Variants in USP25 observed in about 807,000 individuals in gnomAD.
USP25 encodes the protein ubiquitin specific peptidase 25.
In USP25, 85 loss-of-function variants were observed where a neutral mutation model predicts 158.5. The observed-to-expected ratio is 0.54, with a 90% CI of 0.45 to 0.64. USP25 has a LOEUF of 0.64. Among genes scored for constraint, USP25 ranks in the 30% least tolerant of loss-of-function variants. The probability of loss-of-function intolerance (pLI) is 0.00; values close to 1 mark genes in which losing one functional copy is unlikely to be tolerated. For synonymous variants in USP25, 464 were observed against 460.4 expected, an observed-to-expected ratio of 1.01 and a Z score of -0.10; for missense variants, 1,242 against 1,327.3, an observed-to-expected ratio of 0.94 and a Z score of 1.00.
intron 24 of USP25, 119 bp from the exon 25 acceptor site, chr21:15,877,677 G>T (rs564939728): frequency 1.4e-6 from 1 of 710,878 alleles, no homozygotes; most frequent in South Asian, 2.1e-5. Flanking sequence ...TCTAAATACC[G>T]TTTGTTCTAA....
chr21:15,842,583 C>G (rs371784732), intron 18 of USP25, 43 bp downstream of exon 18: 4 of 1,604,008 alleles, frequency 2.5e-6, no homozygotes, highest in South Asian at 1.1e-5. Flanking sequence ...GCCATGGTCA[C>G]GACATTTCCT....
chr21:15,828,707 G>A (rs534155706), intron 14 of USP25, among the ~76,000 whole-genome samples: 65 of 152,208 alleles, frequency 4.3e-4, no homozygotes, highest in African/African-American at 1.4e-3. Flanking sequence ...GCATGAACTC[G>A]GGCTCACTCC....
At chr21:15,757,566 A>C (rs892961879) in intron 1 of USP25, among the ~76,000 whole-genome samples, 1 of 152,238 alleles carries the variant, frequency 6.6e-6, no homozygotes, top group African/African-American at 2.4e-5. Context: ...ACCCAGTGGC[A>C]TACCAAAATA....
chr21:15,754,957 A>G (rs1030011280), intron 1 of USP25, among the ~76,000 whole-genome samples: 24 of 152,360 alleles, frequency 1.6e-4, no homozygotes, highest in African/African-American at 5.0e-4. Context: ...GTAAGAGAAC[A>G]TGAGCTAGAG....
chr21:15,853,118 T>C (rs1342685703), intron 20 of USP25, among the ~76,000 whole-genome samples: 3 of 152,254 alleles, frequency 2.0e-5, no homozygotes, highest in Non-Finnish European at 4.4e-5. Flanking sequence ...CTTGTTTTTT[T>C]CTTTTTGTTT....
intron 17 of USP25, among the ~76,000 whole-genome samples, chr21:15,834,819 C>T (rs562367082): frequency 6.6e-6 from 1 of 152,276 alleles, no homozygotes; most frequent in Non-Finnish European, 1.5e-5. Flanking sequence ...GGCTGGTGAA[C>T]TCTACCATTA....
chr21:15,756,927 A>G (rs2033416058), intron 1 of USP25, among the ~76,000 whole-genome samples: 1 of 152,220 alleles, frequency 6.6e-6, no homozygotes, highest in African/African-American at 2.4e-5. Flanking sequence ...GAGGAGCTCT[A>G]GATATGGAAG....
At chr21:15,761,895 T>A (rs934758959) in intron 1 of USP25, among the ~76,000 whole-genome samples, 4 of 152,210 alleles carry the variant, frequency 2.6e-5, no homozygotes, top group Admixed American at 6.5e-5. Context: ...CTCTCTGCCC[T>A]ATGCGCCTTG....
chr21:15,781,302 CTG>C (rs1436908470), intron 4 of USP25, among the ~76,000 whole-genome samples: 4 of 152,130 alleles, frequency 2.6e-5, no homozygotes, highest in South Asian at 2.1e-4. Flanking sequence ...AATTTGTACT[CTG>C]TATACGATTG....
intron 10 of USP25, among the ~76,000 whole-genome samples, chr21:15,819,981 A>G (rs2037149970): frequency 6.6e-6 from 1 of 152,092 alleles, no homozygotes; most frequent in South Asian, 2.1e-4. Flanking sequence ...AATAGAGAAT[A>G]GCCAGACTTC....
chr21:15,811,315 T>C (rs776526325), intron 9 of USP25, 105 bp downstream of exon 9: 8 of 1,022,812 alleles, frequency 7.8e-6, no homozygotes, highest in African/African-American at 1.6e-5. Flanking sequence ...TTTAATTTGA[T>C]ATATTCTGTC....
At chr21:15,842,297 G>T in intron 17 of USP25, 101 bp from the exon 18 acceptor site, 1 of 1,268,738 alleles carries the variant, frequency 7.9e-7, no homozygotes, top group South Asian at 1.8e-5. Flanking sequence ...GACTAAAATT[G>T]GTTCTTACAT....
rs150206198 is a variant in USP25 at position 15,850,961 on chromosome 21, T to C, written c.2547+1089T>C. Among the ~76,000 whole-genome samples, 300 of 152,158 alleles carry C rather than the reference T, an allele frequency of 2.0e-3. 3 individuals are homozygous for C. In the East Asian group the frequency reaches 0.021, roughly 11 times the overall value. On this transcript the variant is annotated intron_variant, in intron 20 of 25. Coordinates refer to ENST00000400183, the MANE Select transcript of USP25 (RefSeq NM_001283041.3). ...CCCTATTATGATCCCATAAGAAAGGTTGAAAATCTACTTCTAAAAAAAGAA... is the reference window on the plus strand; with the variant it reads ...CCCTATTATGATCCCATAAGAAAGGCTGAAAATCTACTTCTAAAAAAAGAA...
rs2034018140 is a variant in USP25, at chr21:15,765,990, T to C, written c.124-7T>C. 6.3e-7 allele frequency: 1 copy of C among 1,597,312 alleles called. No homozygotes were observed. The highest frequency in any genetic ancestry group is 8.5e-7 in the Non-Finnish European group (1 of 1,173,800). On this transcript the variant is annotated splice_region_variant and splice_polypyrimidine_tract_variant and intron_variant, in intron 2 of 25. Coordinates refer to ENST00000400183, the MANE Select transcript of USP25 (RefSeq NM_001283041.3). ...AACACTTGATACTCCTTTCTTGATA[T>C]TTGAAGGATAGTAATGGAAACTTGG...
chr21:15,791,981 G>A (rs1337379328), intron 5 of USP25, among the ~76,000 whole-genome samples: 3 of 151,700 alleles, frequency 2.0e-5, no homozygotes, highest in Non-Finnish European at 4.4e-5. Context: ...ATTTATGGAA[G>A]CATTGTAACC....
chr21:15,814,429 A>G (rs1288285598), intron 9 of USP25, among the ~76,000 whole-genome samples: 1 of 152,090 alleles, frequency 6.6e-6, no homozygotes, highest in Non-Finnish European at 1.5e-5. Flanking sequence ...AGAGGTTGGA[A>G]CAGTTTGAAG....
At chr21:15,786,866 G>T (rs2035303703) in intron 4 of USP25, among the ~76,000 whole-genome samples, 1 of 151,940 alleles carries the variant, frequency 6.6e-6, no homozygotes, top group African/African-American at 2.4e-5. Flanking sequence ...AATATAGAAA[G>T]CCCTAAAGAG....
chr21:15,814,052 CTGAGACTT>C (rs759623247), intron 9 of USP25, among the ~76,000 whole-genome samples: 6 of 150,988 alleles, frequency 4.0e-5, no homozygotes, highest in Admixed American at 6.6e-5. Flanking sequence ...AATAAGTCTC[CTGAGACTT>C]ATCATTTATT....
chr21:15,832,944 G>A (rs1366692423), intron 16 of USP25, among the ~76,000 whole-genome samples: 1 of 152,096 alleles, frequency 6.6e-6, no homozygotes, highest in Non-Finnish European at 1.5e-5. Context: ...TCTGAACCCG[G>A]AAGGCGGAGG....
Sources: allele counts gnomAD v4.1 joint callset (sites outside exome capture counted in the v4.1 genomes callset), GRCh38; gene constraint gnomAD v4.1.1; transcripts MANE v1.5; gene names NCBI Gene and HGNC (gene_info 2026-07-23, HGNC 2026-07-21).